The following XKR4 variants were observed in gnomAD, a reference collection of about 807,000 sequenced individuals.
XKR4 encodes the protein XK-related protein 4.
Under a neutral mutation model 53.9 loss-of-function variants are expected in XKR4, and 12 were observed. That is an observed-to-expected ratio of 0.22 (90% CI 0.14 to 0.36). The LOEUF (loss-of-function observed/expected upper bound fraction) is 0.36, where lower values mean the gene tolerates loss of function less well. Among genes scored for constraint, XKR4 ranks in the 10% least tolerant of loss-of-function variants. The probability of loss-of-function intolerance (pLI) is 1.00; values close to 1 mark genes in which losing one functional copy is unlikely to be tolerated. For synonymous variants in XKR4, 354 were observed against 362.4 expected, an observed-to-expected ratio of 0.98 and a Z score of 0.26; for missense variants, 799 against 859.5, an observed-to-expected ratio of 0.93 and a Z score of 0.88.
At chr8:55,238,982 G>T (rs16921475) in intron 1 of XKR4, among the ~76,000 whole-genome samples, 15,677 of 152,072 alleles carry the variant, frequency 0.1, 1,618 homozygotes, top group African/African-American at 0.27. Flanking sequence ...AACTCCACTA[G>T]TTGCTGACAC....
intron 2 of XKR4, among the ~76,000 whole-genome samples, chr8:55,401,395 G>A (rs1804599984): frequency 6.6e-6 from 1 of 152,228 alleles, no homozygotes; most frequent in Admixed American, 6.5e-5. Context: ...TCAGTTCCTG[G>A]AAGTTCACTA....
At chr8:55,454,482 C>T in intron 2 of XKR4, 1 of 1,203,506 alleles carries the variant, frequency 8.3e-7, no homozygotes, top group Non-Finnish European at 1.2e-6. Context: ...ATGAGGGTGG[C>T]ACAGACCAAA....
chr8:55,453,641 T>C (rs1024275157), intron 2 of XKR4: 13 of 423,512 alleles, frequency 3.1e-5, no homozygotes, highest in Non-Finnish European at 5.4e-5. Context: ...CACGATCCAC[T>C]GCATGGCGCC....
intron 1 of XKR4, among the ~76,000 whole-genome samples, chr8:55,232,014 A>G (rs935175324): frequency 6.6e-6 from 1 of 152,220 alleles, no homozygotes; most frequent in Non-Finnish European, 1.5e-5. Flanking sequence ...TGATATTGAC[A>G]TCATATGAAA....
At chr8:55,276,416 C>T (rs1008500659) in intron 1 of XKR4, among the ~76,000 whole-genome samples, 4 of 152,172 alleles carry the variant, frequency 2.6e-5, no homozygotes, top group Non-Finnish European at 4.4e-5. Context: ...CTCAAGTAGT[C>T]GCTGTCAATA....
intron 2 of XKR4, among the ~76,000 whole-genome samples, chr8:55,518,035 C>T (rs1433222448): frequency 1.3e-5 from 2 of 152,140 alleles, no homozygotes; most frequent in Non-Finnish European, 2.9e-5. Flanking sequence ...AGGTTATGGC[C>T]TCCTTAGAGA....
intron 1 of XKR4, among the ~76,000 whole-genome samples, chr8:55,300,791 G>A (rs1819182065): frequency 6.6e-6 from 1 of 152,126 alleles, no homozygotes; most frequent in Non-Finnish European, 1.5e-5. Flanking sequence ...CAACAAAGGT[G>A]AAGCCATCAT....
At chr8:55,226,834 C>T (rs556762296) in intron 1 of XKR4, among the ~76,000 whole-genome samples, 7 of 152,308 alleles carry the variant, frequency 4.6e-5, no homozygotes, top group South Asian at 2.1e-4. Context: ...TCCTCAAACA[C>T]GAGTCTTATC....
rs140399700 is a variant in XKR4 at position 55,448,267 on chromosome 8, G to A, written c.1007-75014G>A. On this transcript the variant is annotated intron_variant, in intron 2 of 2. Transcript: ENST00000327381. ...CTGGAAAAGAGTGACTCAATAAAGC[G>A]CTCTTCTTCCCATACACCTGGACTT... 1.3e-3 allele frequency among the ~76,000 whole-genome samples: 205 copies of A among 152,264 alleles called. 1 individual carries two copies. Among genetic ancestry groups the A allele is most frequent in the African/African-American group, 4.6e-3 (192 of 41,544 alleles).
At chr8:55,150,077 CT>C (rs1816821164) in intron 1 of XKR4, among the ~76,000 whole-genome samples, 2 of 152,192 alleles carry the variant, frequency 1.3e-5, no homozygotes, top group Non-Finnish European at 2.9e-5. Context: ...TATTTTTCAT[CT>C]GTAAAATGTG....
chr8:55,119,536 C>CCAG (rs1490744078), intron 1 of XKR4, among the ~76,000 whole-genome samples: 2 of 152,072 alleles, frequency 1.3e-5, no homozygotes, highest in South Asian at 4.2e-4. Context: ...GCCAAACTAA[C>CCAG]CAGCAACTTG....
intron 2 of XKR4, among the ~76,000 whole-genome samples, chr8:55,372,840 T>C (rs1258196347): frequency 2.0e-5 from 3 of 152,206 alleles, no homozygotes; most frequent in African/African-American, 7.2e-5. Context: ...AAACAGCTTT[T>C]TTCCCCCCAG....
Position 55,286,415 on chromosome 8 carries a change from G to A in XKR4, c.807-71263G>A, listed in dbSNP as rs551692572. 3.3e-5 allele frequency among the ~76,000 whole-genome samples: 5 copies of A among 152,326 alleles called. No homozygotes were observed. In the South Asian group the frequency reaches 1.0e-3, roughly 32 times the overall value. ...CTTCCTCATGTGAATGTCAAGAACA[G>A]ACACCCTTCGAAGGCATTGTACCAA... On this transcript the variant is annotated intron_variant, in intron 1 of 2. Coordinates refer to ENST00000327381, the MANE Select transcript of XKR4 (RefSeq NM_052898.2).
chr8:55,488,005 G>T (rs1806219611), intron 2 of XKR4, among the ~76,000 whole-genome samples: 1 of 152,136 alleles, frequency 6.6e-6, no homozygotes, highest in Non-Finnish European at 1.5e-5. Context: ...AATCATTCAG[G>T]ATTGTACATG....
intron 1 of XKR4, among the ~76,000 whole-genome samples, chr8:55,177,682 A>G (rs1208169736): frequency 6.6e-6 from 1 of 152,078 alleles, no homozygotes; most frequent in African/African-American, 2.4e-5. Context: ...ACTAACACCA[A>G]CTAGGGAGAT....
chr8:55,251,339 A>C (rs975249762), intron 1 of XKR4, among the ~76,000 whole-genome samples: 2 of 152,232 alleles, frequency 1.3e-5, no homozygotes, highest in African/African-American at 4.8e-5. Flanking sequence ...GGTCAAGATT[A>C]ACGGAGTCAG....
At chr8:55,342,634 C>A (rs890664153) in intron 1 of XKR4, among the ~76,000 whole-genome samples, 1 of 152,138 alleles carries the variant, frequency 6.6e-6, no homozygotes, top group Non-Finnish European at 1.5e-5. Context: ...GCCACCTCAA[C>A]GCCTCCTGTT....
chr8:55,292,229 G>A (rs998313672), intron 1 of XKR4, among the ~76,000 whole-genome samples: 1 of 152,128 alleles, frequency 6.6e-6, no homozygotes, highest in African/African-American at 2.4e-5. Context: ...TATTTTGGAA[G>A]AGTGTATAGA....
chr8:55,123,161 T>G (rs896777345), intron 1 of XKR4, among the ~76,000 whole-genome samples: 6 of 152,236 alleles, frequency 3.9e-5, no homozygotes, highest in Admixed American at 2.0e-4. Flanking sequence ...GAGAAACACT[T>G]TAATTTGCTC....
Sources: allele counts gnomAD v4.1 joint callset (sites outside exome capture counted in the v4.1 genomes callset), GRCh38; gene constraint gnomAD v4.1.1; transcripts MANE v1.5; gene names NCBI Gene and HGNC (gene_info 2026-07-23, HGNC 2026-07-21).